IFT80: variants seen among roughly 807,000 people sequenced by gnomAD.
The protein encoded by IFT80 is intraflagellar transport protein 80 homolog.
In IFT80, 79 loss-of-function variants were observed where a neutral mutation model predicts 107.9. The observed-to-expected ratio is 0.73, with a 90% confidence interval of 0.61 to 0.88. The LOEUF (loss-of-function observed/expected upper bound fraction) is 0.88. IFT80 is among the 40% of genes least tolerant of loss of function. IFT80 has a pLI of 0.00. For missense variants in IFT80, 797 were observed against 914.2 expected (o/e 0.87, Z 1.65); for synonymous variants, 299 against 300.9 (o/e 0.99, Z 0.07).
chr3:160,381,322 C>T (rs918363331), intron 3 of IFT80, among the ~76,000 whole-genome samples, 181 bp downstream of exon 3: 8 of 147,278 alleles, frequency 5.4e-5, no homozygotes, highest in Non-Finnish European at 1.2e-4. Context: ...AACTTTCTTC[C>T]ATGACAATAA....
intron 12 of IFT80, among the ~76,000 whole-genome samples, chr3:160,288,060 G>A (rs945171692): frequency 5.3e-5 from 8 of 152,180 alleles, no homozygotes; most frequent in Admixed American, 2.0e-4. Flanking sequence ...GAAATACAGC[G>A]CAGTCTGGGC....
At chr3:160,330,807 C>G (rs1290987505) in intron 8 of IFT80, among the ~76,000 whole-genome samples, 9 of 152,140 alleles carry the variant, frequency 5.9e-5, no homozygotes, top group Non-Finnish European at 4.4e-5. Context: ...CTCTGTACCA[C>G]CATCCACTTC....
chr3:160,323,179 T>G (rs1262169148), intron 8 of IFT80, among the ~76,000 whole-genome samples: 2 of 149,712 alleles, frequency 1.3e-5, no homozygotes, highest in African/African-American at 2.5e-5. Context: ...GGTCTAACGT[T>G]TAAGTCTTTA....
chr3:160,379,618 T>C (rs538660108), intron 3 of IFT80, among the ~76,000 whole-genome samples: 5 of 152,270 alleles, frequency 3.3e-5, no homozygotes, highest in East Asian at 1.9e-4. Context: ...CCAACATATA[T>C]GGGACAAAAT....
At chr3:160,281,323 C>T (rs1259130783) in intron 14 of IFT80, among the ~76,000 whole-genome samples, 1 of 152,212 alleles carries the variant, frequency 6.6e-6, no homozygotes, top group Non-Finnish European at 1.5e-5. Flanking sequence ...CACAGAATAA[C>T]CACCATTGCC....
intron 1 of IFT80, among the ~76,000 whole-genome samples, chr3:160,397,716 CTTT>C (rs545413654): frequency 3.1e-5 from 3 of 96,596 alleles, no homozygotes; most frequent in Admixed American, 1.2e-4. Flanking sequence ...TTGGTCTATA[CTTT>C]TTTTTTTTTT....
intron 8 of IFT80, among the ~76,000 whole-genome samples, chr3:160,341,341 AT>A (rs201587342): frequency 5.9e-5 from 6 of 101,036 alleles, no homozygotes; most frequent in African/African-American, 2.5e-4. Flanking sequence ...ATTAACAATG[AT>A]TAAAAAAAAA....
At chr3:160,286,904 G>A (rs1033147326) in intron 12 of IFT80, among the ~76,000 whole-genome samples, 2 of 151,924 alleles carry the variant, frequency 1.3e-5, no homozygotes, top group African/African-American at 2.4e-5. Flanking sequence ...CTTTATTATT[G>A]CTAGTGAGGA....
chr3:160,278,036 C>A (rs906080729), intron 16 of IFT80, among the ~76,000 whole-genome samples: 3 of 152,150 alleles, frequency 2.0e-5, no homozygotes, highest in African/African-American at 7.2e-5. Flanking sequence ...TGGTAGATTG[C>A]TACTGATATA....
At chr3:160,304,227 T>C (rs1030918200) in intron 10 of IFT80, among the ~76,000 whole-genome samples, 2 of 152,198 alleles carry the variant, frequency 1.3e-5, no homozygotes, top group African/African-American at 4.8e-5. Context: ...ATCCAATAAA[T>C]GTTTACTGTA....
At chr3:160,361,272 A>C (rs954682949) in intron 6 of IFT80, among the ~76,000 whole-genome samples, 32 of 152,212 alleles carry the variant, frequency 2.1e-4, no homozygotes, top group African/African-American at 6.8e-4. Flanking sequence ...ATCAAAAGGG[A>C]CAAAGAAGGC....
At chr3:160,271,921 C>T (rs925577690) in intron 18 of IFT80, among the ~76,000 whole-genome samples, 2 of 150,668 alleles carry the variant, frequency 1.3e-5, no homozygotes, top group Admixed American at 6.6e-5. Context: ...ACATCTAACA[C>T]TACTATAATG....
chr3:160,392,228 C>A (rs1165606794), intron 1 of IFT80, among the ~76,000 whole-genome samples: 1 of 152,214 alleles, frequency 6.6e-6, no homozygotes, highest in Admixed American at 6.5e-5. Context: ...ATATCCCCAG[C>A]CTTAAATGGT....
At chr3:160,299,219 G>T in intron 12 of IFT80, 1 of 1,128,300 alleles carries the variant, frequency 8.9e-7, no homozygotes, top group Non-Finnish European at 1.1e-6. Flanking sequence ...CTCTTTCTTA[G>T]CCAAAAAGGA....
chr3:160,346,386 G>C (rs936318412), intron 8 of IFT80, among the ~76,000 whole-genome samples: 1 of 151,888 alleles, frequency 6.6e-6, no homozygotes, highest in African/African-American at 2.4e-5. Context: ...ATTATTATTT[G>C]TCAATTAACA....
At chr3:160,268,378 A>G (rs1371442588) in intron 19 of IFT80, 35 bp downstream of exon 19, 8 of 1,547,364 alleles carry the variant, frequency 5.2e-6, no homozygotes, top group Non-Finnish European at 7.1e-6. Context: ...CTTATAAAGC[A>G]TATGTATTAT....
rs532238868 is a variant in IFT80 at position 160,262,567 on chromosome 3, C to A, written c.2224-3932G>T. ...ACTCTTGGGCTTGGCTTACATGATC[C>A]TCCTGCCTTGGTCTCCCAAAGTGCT... On this transcript the variant is annotated intron_variant, in intron 19 of 19. Coordinates refer to ENST00000326448, the MANE Select transcript of IFT80 (RefSeq NM_020800.3). Among the ~76,000 whole-genome samples the A allele has an allele frequency of 5.9e-5, 9 of 152,246 alleles. No individual in the cohort carries two copies. The East Asian group carries it at 9.7e-4, about 16-fold the overall frequency.
intron 8 of IFT80, among the ~76,000 whole-genome samples, chr3:160,334,978 T>A (rs771324062): frequency 2.0e-5 from 3 of 152,092 alleles, no homozygotes; most frequent in Non-Finnish European, 2.9e-5. Context: ...ATACTATTAT[T>A]GAGTTGATCA....
chr3:160,258,608 C>T lies in IFT80; in HGVS notation c.2251G>A (p.Ala751Thr). 1.2e-6 allele frequency: 2 copies of T among 1,612,082 alleles called. No homozygotes were observed. Among genetic ancestry groups the T allele is most frequent in the Non-Finnish European group, 1.7e-6 (2 of 1,179,792 alleles). ...GLQIDWEKIK[A>T]KIEMEITKER... Reference sequence around the variant, plus strand: ...TTTGTAATTTCCATCTCAATTTTGGCTTTGATTTTCTCCCAATCTATTTGG... The same window carrying T: ...TTTGTAATTTCCATCTCAATTTTGGTTTTGATTTTCTCCCAATCTATTTGG... The change falls in exon 20 of 20, where the codon GCC becomes ACC. Residue 751 changes from alanine to threonine, a missense_variant. Physicochemically the swap from Ala to Thr is moderately conservative, Grantham distance 58. Transcript: ENST00000326448.
Sources: allele counts gnomAD v4.1 joint callset (sites outside exome capture counted in the v4.1 genomes callset), GRCh38; gene constraint gnomAD v4.1.1; transcripts MANE v1.5; gene names NCBI Gene and HGNC (gene_info 2026-07-23, HGNC 2026-07-21).